DHX9: variants seen among roughly 807,000 people sequenced by gnomAD.
DHX9 encodes the protein ATP-dependent RNA helicase A.
A neutral mutation model predicts 148.7 loss-of-function variants in DHX9; 27 were observed. That is an observed-to-expected ratio of 0.18 (90% CI 0.13 to 0.25). The LOEUF (loss-of-function observed/expected upper bound fraction) is 0.25, where lower values mean the gene tolerates loss of function less well. Ranked by LOEUF, DHX9 falls within the 10% of genes least tolerant of loss-of-function variation. The pLI, the probability that DHX9 is intolerant of heterozygous loss-of-function variation, is 1.00. For synonymous variants in DHX9, 529 were observed against 516.6 expected, an observed-to-expected ratio of 1.02 and a Z score of -0.33; for missense variants, 796 against 1,559.6, an observed-to-expected ratio of 0.51 and a Z score of 8.25.
At position 182,851,881 on chromosome 1, in the gene DHX9, T is replaced by TA. The variant is rs1668157340; in HGVS notation, c.253-351dup. 2.0e-5 allele frequency among the ~76,000 whole-genome samples: 3 copies of TA among 152,240 alleles called. No homozygotes were observed. In the South Asian group the frequency reaches 6.2e-4, roughly 31 times the overall value. Reference sequence around the variant, plus strand: ...ATACTTAAGAAATGGAGTAGAAAGATACTTTTTTGACTGCTTTAAAAGGTG... The same window carrying TA: ...ATACTTAAGAAATGGAGTAGAAAGATAACTTTTTTGACTGCTTTAAAAGGTG... On this transcript the variant is annotated intron_variant, in intron 3 of 27. Transcript: ENST00000367549.
chr1:182,843,494 G>T, intron 3 of DHX9, 60 bp downstream of exon 3: 1 of 1,384,778 alleles, frequency 7.2e-7, no homozygotes. Context: ...AACTCAATAT[G>T]CGTAAGAGAC....
At chr1:182,886,840 G>A (rs557253141) in intron 27 of DHX9, among the ~76,000 whole-genome samples, 1 of 152,320 alleles carries the variant, frequency 6.6e-6, no homozygotes, top group South Asian at 2.1e-4. Flanking sequence ...CTGTCTTAAA[G>A]TTCTAATGAC....
At chr1:182,866,648 A>G (rs1439967825) in intron 13 of DHX9, 63 bp downstream of exon 13, 1 of 1,521,120 alleles carries the variant, frequency 6.6e-7, no homozygotes, top group Non-Finnish European at 9.0e-7. Flanking sequence ...AAAACTTGAT[A>G]GCAGAACAGA....
chr1:182,881,677 T>C (rs773892307), intron 24 of DHX9, 30 bp downstream of exon 24: 1 of 1,564,622 alleles, frequency 6.4e-7, no homozygotes, highest in Non-Finnish European at 8.6e-7. Flanking sequence ...TAAGATATCT[T>C]TAAAGTGACA....
chr1:182,877,425 C>A (rs1403142839), intron 19 of DHX9: 1 of 153,390 alleles, frequency 6.5e-6, no homozygotes, highest in Non-Finnish European at 1.4e-5. Flanking sequence ...ATCTGGCCAA[C>A]TTGTACCCCA....
chr1:182,857,693 G>T (rs779243818), intron 7 of DHX9, among the ~76,000 whole-genome samples: 2 of 152,268 alleles, frequency 1.3e-5, no homozygotes, highest in South Asian at 4.1e-4. Context: ...TTAATTGACC[G>T]TTTATAGAAA....
chr1:182,877,671 TTAAA>T, intron 19 of DHX9: 1 of 188,612 alleles, frequency 5.3e-6, no homozygotes, highest in East Asian at 1.4e-4. Flanking sequence ...TAGAGATGAC[TTAAA>T]TAATTACTTT....
chr1:182,883,014 T>A, intron 24 of DHX9, 125 bp from the exon 25 acceptor site: 2 of 674,916 alleles, frequency 3.0e-6, no homozygotes, highest in South Asian at 3.8e-5. Context: ...GAGAAAGTTT[T>A]ACAGACAGGT....
At chr1:182,860,545 A>T (rs1182305089) in intron 12 of DHX9, among the ~76,000 whole-genome samples, 1 of 152,258 alleles carries the variant, frequency 6.6e-6, no homozygotes, top group Non-Finnish European at 1.5e-5. Flanking sequence ...GTTAACTTTC[A>T]CTGTATGCCA....
intron 26 of DHX9, 107 bp downstream of exon 26, chr1:182,883,742 TTATATAC>T: frequency 1.5e-6 from 1 of 676,380 alleles, no homozygotes; most frequent in Non-Finnish European, 2.4e-6. Flanking sequence ...TCTAACTTAA[TTATATAC>T]TATATACTTA....
rs371179937 is a variant in DHX9, at chr1:182,883,508, C to T, written c.3145-12C>T. On this transcript the variant is annotated splice_polypyrimidine_tract_variant and intron_variant, in intron 25 of 27. Transcript: ENST00000367549. ...GTCAACCATTTTGTATTGTCTCTTTCTCCATTTGCAGATTCGAACTCGAGC... is the reference window on the plus strand; with the variant it reads ...GTCAACCATTTTGTATTGTCTCTTTTTCCATTTGCAGATTCGAACTCGAGC... The T allele has an allele frequency of 6.2e-7, 1 of 1,610,300 alleles. No homozygotes were observed. The highest frequency in any genetic ancestry group is 1.3e-5 in the African/African-American group (1 of 74,966).
At chr1:182,844,094 C>A (rs549542336) in intron 3 of DHX9, among the ~76,000 whole-genome samples, 2 of 152,152 alleles carry the variant, frequency 1.3e-5, no homozygotes, top group South Asian at 2.1e-4. Context: ...ATTACAGGCA[C>A]GCTCCATGAT....
At chr1:182,870,857 A>G (rs1285261907) in intron 14 of DHX9, among the ~76,000 whole-genome samples, 1 of 152,228 alleles carries the variant, frequency 6.6e-6, no homozygotes, top group Admixed American at 6.5e-5. Context: ...TATCTAAAAT[A>G]TTTACAACAC....
In DHX9 at chr1:182,887,472, G is replaced by A. The variant is rs1557982902; in HGVS notation, c.*38G>A. On this transcript the variant is annotated 3_prime_UTR_variant, in exon 28 of 28. Coordinates refer to ENST00000367549, the MANE Select transcript of DHX9 (RefSeq NM_001357.5). Reference sequence around the variant, plus strand: ...TCAGTTCCTGTGTGTAGACAGTAAGGAAAAAAAGGCATGCTATGTGTTACG... The same window carrying A: ...TCAGTTCCTGTGTGTAGACAGTAAGAAAAAAAAGGCATGCTATGTGTTACG... 18 of 1,543,896 alleles carry A rather than the reference G, an allele frequency of 1.2e-5. No individual in the cohort carries two copies. The Admixed American group carries it at 1.4e-4, about 12-fold the overall frequency.
chr1:182,842,820 A>G, intron 2 of DHX9, 143 bp downstream of exon 2: 2 of 575,694 alleles, frequency 3.5e-6, no homozygotes, highest in South Asian at 2.7e-5. Context: ...GCTATTGTAA[A>G]TCATTTTCAA....
intron 12 of DHX9, among the ~76,000 whole-genome samples, chr1:182,864,563 A>T (rs922586492): frequency 6.6e-6 from 1 of 152,264 alleles, no homozygotes; most frequent in Non-Finnish European, 1.5e-5. Flanking sequence ...AGTCAAATCA[A>T]CTAGGGATGA....
At chr1:182,862,256 A>G (rs538059449) in intron 12 of DHX9, among the ~76,000 whole-genome samples, 8 of 152,304 alleles carry the variant, frequency 5.3e-5, no homozygotes, top group Middle Eastern at 3.4e-3. Flanking sequence ...ACAGAGCACA[A>G]GTTTAGAGTT....
intron 19 of DHX9, 171 bp downstream of exon 19, chr1:182,877,074 G>A: frequency 2.0e-6 from 1 of 494,376 alleles, no homozygotes; most frequent in East Asian, 3.4e-5. Flanking sequence ...AGTAATTATT[G>A]TTGATTACTG....
intron 3 of DHX9, 40 bp downstream of exon 3, chr1:182,843,474 A>T: frequency 2.7e-6 from 4 of 1,502,612 alleles, no homozygotes; most frequent in Non-Finnish European, 3.6e-6. Context: ...GTATGTTGTA[A>T]AGTTGTACAA....
Sources: gnomAD v4.1 joint callset for allele counts (sites outside exome capture counted in the v4.1 genomes callset) on GRCh38, gnomAD v4.1.1 for gene constraint, MANE v1.5 for transcripts, NCBI Gene and HGNC (gene_info 2026-07-23, HGNC 2026-07-21) for gene names.